The following COX7B2 variants were observed in gnomAD, a reference collection of about 807,000 sequenced individuals.
COX7B2 encodes the protein cytochrome c oxidase subunit 7B2.
For synonymous variants in COX7B2, 37 were observed against 32.1 expected, an observed-to-expected ratio of 1.15 and a Z score of -0.51; for missense variants, 109 against 95.9, an observed-to-expected ratio of 1.14 and a Z score of -0.57.
chr4:46,762,268 T>A (rs1404169111), intron 2 of COX7B2, among the ~76,000 whole-genome samples: 2 of 141,098 alleles, frequency 1.4e-5, no homozygotes, highest in South Asian at 2.1e-4. Flanking sequence ...ATAATATATT[T>A]AATATATATG....
At chr4:46,777,460 T>C (rs1187139233) in intron 2 of COX7B2, among the ~76,000 whole-genome samples, 2 of 151,974 alleles carry the variant, frequency 1.3e-5, no homozygotes, top group African/African-American at 4.8e-5. Flanking sequence ...TAATAGCATG[T>C]ATGCCCTCTG....
chr4:46,798,489 A>G (rs1048156272), intron 2 of COX7B2, among the ~76,000 whole-genome samples: 3 of 152,174 alleles, frequency 2.0e-5, no homozygotes, highest in African/African-American at 7.2e-5. Flanking sequence ...TTAAAGTGTC[A>G]CTCAGAGATA....
chr4:46,881,012 C>A (rs1393403615), intron 1 of COX7B2, among the ~76,000 whole-genome samples: 14 of 110,848 alleles, frequency 1.3e-4, no homozygotes, highest in East Asian at 6.5e-4. Context: ...AAAAAAAAAA[C>A]TCTTGGATTC....
intron 2 of COX7B2, among the ~76,000 whole-genome samples, chr4:46,780,688 TA>T (rs1717401125): frequency 1.3e-5 from 2 of 151,978 alleles, no homozygotes; most frequent in Admixed American, 1.3e-4. Flanking sequence ...CACTAATTGC[TA>T]TGGCTTTTTT....
intron 2 of COX7B2, among the ~76,000 whole-genome samples, chr4:46,790,747 G>A (rs1717998436): frequency 6.6e-6 from 1 of 152,084 alleles, no homozygotes; most frequent in Admixed American, 6.6e-5. Context: ...AGTCTGATGA[G>A]GTAAAATACT....
At chr4:46,875,801 C>T (rs1162308146) in intron 1 of COX7B2, among the ~76,000 whole-genome samples, 24 of 151,846 alleles carry the variant, frequency 1.6e-4, no homozygotes, top group Admixed American at 1.6e-3. Flanking sequence ...TTTTCCATCT[C>T]TTCACCTGTC....
chr4:46,905,987 G>A (rs371114117), intron 1 of COX7B2, among the ~76,000 whole-genome samples: 4,608 of 150,048 alleles, frequency 0.031, 102 homozygotes, highest in Middle Eastern at 0.09. Flanking sequence ...CCGCCACCGC[G>A]CCCGGCTAAT....
intron 1 of COX7B2, among the ~76,000 whole-genome samples, chr4:46,853,008 C>T (rs780640546): frequency 8.5e-5 from 13 of 152,140 alleles, no homozygotes; most frequent in Non-Finnish European, 1.3e-4. Flanking sequence ...CATTATAGTG[C>T]TGTTGGCTGT....
At chr4:46,831,228 C>T (rs1715067817) in intron 2 of COX7B2, among the ~76,000 whole-genome samples, 1 of 152,128 alleles carries the variant, frequency 6.6e-6, no homozygotes, top group African/African-American at 2.4e-5. Context: ...AGTGCCGGCC[C>T]ACCAACGCAG....
chr4:46,776,214 TA>T (rs962340013), intron 2 of COX7B2, among the ~76,000 whole-genome samples: 1 of 151,942 alleles, frequency 6.6e-6, no homozygotes, highest in African/African-American at 2.4e-5. Context: ...GGGTCTGCCC[TA>T]AAAAAATTCC....
rs145768502 is a variant in COX7B2 at position 46,841,335 on chromosome 4, C to CTGTGTGTGTGTGTG, written c.-50+3611_-50+3624dup. ...AAAGAGCCCACTTACCAAATGTGCTCTGTGTGTGTGTGTGTGTGTGTGTGT... is the reference window on the plus strand; with the variant it reads ...AAAGAGCCCACTTACCAAATGTGCTCTGTGTGTGTGTGTGTGTGTGTGTGTGTGTGTGTGTGTGT... On this transcript the variant is annotated intron_variant, in intron 2 of 2. Transcript: ENST00000355591. Among the ~76,000 whole-genome samples the CTGTGTGTGTGTGTG allele has an allele frequency of 3.9e-3, 543 of 139,872 alleles. 2 individuals carry two copies. The highest frequency in any genetic ancestry group is 0.022 in the East Asian group (103 of 4,670). 91.8% of individuals were successfully genotyped at this position (139,872 alleles called of 152,430 possible).
At chr4:46,842,377 A>G (rs1056956249) in intron 2 of COX7B2, among the ~76,000 whole-genome samples, 1 of 151,978 alleles carries the variant, frequency 6.6e-6, no homozygotes, top group Non-Finnish European at 1.5e-5. Flanking sequence ...AATGCATAGC[A>G]CAGTGGTTGT....
intron 2 of COX7B2, among the ~76,000 whole-genome samples, chr4:46,835,962 A>T (rs1560411287): frequency 6.6e-6 from 1 of 152,184 alleles, no homozygotes; most frequent in Non-Finnish European, 1.5e-5. Context: ...GTACCTAAAC[A>T]TGTCCAAACA....
chr4:46,894,054 T>G (rs1026227812), intron 1 of COX7B2, among the ~76,000 whole-genome samples: 7 of 152,086 alleles, frequency 4.6e-5, no homozygotes, highest in Non-Finnish European at 8.8e-5. Flanking sequence ...CTCATGAATA[T>G]GAAGAACCCA....
chr4:46,813,401 A>T (rs993603238), intron 2 of COX7B2, among the ~76,000 whole-genome samples: 1 of 152,176 alleles, frequency 6.6e-6, no homozygotes, highest in Non-Finnish European at 1.5e-5. Flanking sequence ...TATATGGAAC[A>T]CTTCAAAAGC....
At chr4:46,844,007 T>C (rs1716107539) in intron 2 of COX7B2, among the ~76,000 whole-genome samples, 1 of 152,034 alleles carries the variant, frequency 6.6e-6, no homozygotes, top group Non-Finnish European at 1.5e-5. Flanking sequence ...TTGCAAGTTA[T>C]ATCACCAGAG....
At chr4:46,787,513 A>C (rs1717813845) in intron 2 of COX7B2, among the ~76,000 whole-genome samples, 1 of 152,178 alleles carries the variant, frequency 6.6e-6, no homozygotes, top group Non-Finnish European at 1.5e-5. Context: ...TGGTACTTTC[A>C]CCAGAACGGC....
At chr4:46,755,396 G>A (rs1715725863) in intron 2 of COX7B2, among the ~76,000 whole-genome samples, 1 of 151,552 alleles carries the variant, frequency 6.6e-6, no homozygotes, top group African/African-American at 2.4e-5. Context: ...TCTAATCTAA[G>A]TTCTAGAACA....
intron 2 of COX7B2, among the ~76,000 whole-genome samples, chr4:46,790,535 A>G (rs1717984910): frequency 6.6e-6 from 1 of 152,160 alleles, no homozygotes; most frequent in Admixed American, 6.5e-5. Flanking sequence ...CACTGCCACT[A>G]TCCCAATTTA....
Sources: allele counts gnomAD v4.1 joint callset (sites outside exome capture counted in the v4.1 genomes callset), GRCh38; gene constraint gnomAD v4.1.1; transcripts MANE v1.5; gene names NCBI Gene and HGNC (gene_info 2026-07-23, HGNC 2026-07-21).